The following RASA2 variants were observed in gnomAD, a reference collection of about 807,000 sequenced individuals.
The protein encoded by RASA2 is ras GTPase-activating protein 2.
A neutral mutation model predicts 118.2 loss-of-function variants in RASA2; 155 were observed. The ratio of observed to expected loss-of-function variants is 1.31; its 90% CI spans 1.15 to 1.50. The LOEUF (loss-of-function observed/expected upper bound fraction) is 1.50, where lower values mean the gene tolerates loss of function less well. Among genes scored for constraint, RASA2 ranks in the 40% most tolerant of loss-of-function variants. The pLI, the probability that RASA2 is intolerant of heterozygous loss-of-function variation, is 0.00. For missense variants in RASA2, 1,016 were observed against 1,009.6 expected (o/e 1.01, Z -0.09); for synonymous variants, 353 against 349.1 (o/e 1.01, Z -0.12).
chr3:141,523,347 A>G (rs931815849), intron 3 of RASA2, among the ~76,000 whole-genome samples: 140 of 151,824 alleles, frequency 9.2e-4, no homozygotes, highest in African/African-American at 3.3e-3. Context: ...CTGGTCTCAA[A>G]CTCTTATCCA....
intron 1 of RASA2, among the ~76,000 whole-genome samples, chr3:141,493,675 T>G (rs2151067901): frequency 6.6e-6 from 1 of 152,310 alleles, no homozygotes; most frequent in East Asian, 1.9e-4. Context: ...ATATATTTGA[T>G]ATATTAATTC....
chr3:141,506,673 G>GTT (rs1428472236), intron 1 of RASA2, among the ~76,000 whole-genome samples: 1 of 152,010 alleles, frequency 6.6e-6, no homozygotes, highest in African/African-American at 2.4e-5. Flanking sequence ...AGCACTTTGG[G>GTT]AGGCCAAGGC....
intron 1 of RASA2, among the ~76,000 whole-genome samples, chr3:141,487,533 CGGGGCGCGGCCG>C (rs1389166099): frequency 2.6e-5 from 4 of 151,192 alleles, no homozygotes; most frequent in Admixed American, 6.6e-5. Context: ...CGCTGGAGTC[CGGGGCGCGGCCG>C]GGGGCGCGGT....
At chr3:141,580,567 C>A in intron 16 of RASA2, 116 bp downstream of exon 16, 1 of 650,158 alleles carries the variant, frequency 1.5e-6, no homozygotes, top group East Asian at 2.9e-5. Flanking sequence ...CACACACACA[C>A]ACACACACAC....
intron 3 of RASA2, among the ~76,000 whole-genome samples, chr3:141,524,088 C>T (rs928763185): frequency 6.6e-6 from 1 of 152,146 alleles, no homozygotes; most frequent in Non-Finnish European, 1.5e-5. Flanking sequence ...ATACAGCAAC[C>T]GTACATTTAC....
chr3:141,530,937 A>G (rs867688665), intron 4 of RASA2, among the ~76,000 whole-genome samples: 3 of 152,156 alleles, frequency 2.0e-5, no homozygotes, highest in East Asian at 3.8e-4. Flanking sequence ...TAGTTTTTAT[A>G]TGTAGTTACT....
In RASA2 at chr3:141,564,504, A is replaced by G. The variant is rs566806025; in HGVS notation, c.863+4509A>G. Among the ~76,000 whole-genome samples, 29 of 152,312 alleles carry G rather than the reference A, an allele frequency of 1.9e-4. No individual in the cohort carries two copies. The East Asian group carries it at 5.4e-3, about 28-fold the overall frequency. ...AAAAAAGGATTCCAAAGAGGTAGGC[A>G]TGGTACTGCCTATTCAAGCACAATT... On this transcript the variant is annotated intron_variant, in intron 9 of 23. Transcript: ENST00000286364.
intron 19 of RASA2, among the ~76,000 whole-genome samples, chr3:141,596,740 T>C (rs2083379465): frequency 6.6e-6 from 1 of 152,040 alleles, no homozygotes; most frequent in Admixed American, 6.5e-5. Flanking sequence ...AAAACCACAA[T>C]GAGATACCAT....
chr3:141,591,056 G>T (rs1386774342), intron 19 of RASA2, among the ~76,000 whole-genome samples: 4 of 151,962 alleles, frequency 2.6e-5, no homozygotes, highest in Non-Finnish European at 5.9e-5. Flanking sequence ...ATTTTATATT[G>T]CTATACTATA....
chr3:141,601,320 A>G lies in RASA2; in HGVS notation c.1934-6358A>G, dbSNP rs192747458. On this transcript the variant is annotated intron_variant, in intron 19 of 23. Coordinates refer to ENST00000286364, the MANE Select transcript of RASA2 (RefSeq NM_006506.5). ...CCCACGGCTGTAATCCCAGCTACTC[A>G]GGAAGCTGAGGTCCGAGAATCACTT... Among the ~76,000 whole-genome samples the G allele has an allele frequency of 2.6e-5, 4 of 152,222 alleles. No homozygotes were observed. The East Asian group carries it at 7.7e-4, about 29-fold the overall frequency.
At chr3:141,587,052 A>G (rs1005225662) in intron 19 of RASA2, among the ~76,000 whole-genome samples, 1 of 152,238 alleles carries the variant, frequency 6.6e-6, no homozygotes, top group Non-Finnish European at 1.5e-5. Flanking sequence ...TAAACCTCTT[A>G]GAACATGGGA....
intron 3 of RASA2, among the ~76,000 whole-genome samples, chr3:141,521,864 G>T (rs1577677426): frequency 6.7e-6 from 1 of 149,038 alleles, no homozygotes; most frequent in African/African-American, 2.5e-5. Flanking sequence ...TTCTAGTTCA[G>T]TATCATTTTC....
chr3:141,535,285 C>G (rs950922875), intron 4 of RASA2, among the ~76,000 whole-genome samples: 23 of 152,080 alleles, frequency 1.5e-4, no homozygotes, highest in Non-Finnish European at 2.8e-4. Flanking sequence ...ATTTTTGTGA[C>G]TTTCTGTTTA....
rs767353410 is a variant in RASA2, at chr3:141,555,843, T to C, written c.615T>C (p.Asn205=). 3.0e-5 allele frequency: 48 copies of C among 1,611,482 alleles called. No homozygotes were observed. In the East Asian group the frequency reaches 9.4e-4, roughly 31 times the overall value. ...AAACTCTACCACATTGGAACAGGAA[T>C]GACCAAAAGAAGACAAAAGTAAAGA... ...ATVSLVGPSR[N]DQKKTKVKKK... Residue 205 remains asparagine, a synonymous_variant, in exon 7 of 24, where the codon AAT becomes AAC. Coordinates refer to ENST00000286364, the MANE Select transcript of RASA2 (RefSeq NM_006506.5).
Position 141,579,971 on chromosome 3 carries a change from G to A in RASA2, c.1591-397G>A, listed in dbSNP as rs550637048. Among the ~76,000 whole-genome samples, 363 of 147,922 alleles carry A rather than the reference G, an allele frequency of 2.5e-3. 1 individual carries two copies. Among genetic ancestry groups the A allele is most frequent in the African/African-American group, 8.7e-3 (346 of 39,846 alleles). Reference sequence around the variant, plus strand: ...CTTAGGAGACTGAGACAGGAGAATCGCTTGAACCCAGAAGGTGGAGGTTAC... The same window carrying A: ...CTTAGGAGACTGAGACAGGAGAATCACTTGAACCCAGAAGGTGGAGGTTAC... On this transcript the variant is annotated intron_variant, in intron 15 of 23. Coordinates refer to ENST00000286364, the MANE Select transcript of RASA2 (RefSeq NM_006506.5).
intron 9 of RASA2, among the ~76,000 whole-genome samples, chr3:141,563,969 T>G (rs984995881): frequency 5.3e-5 from 8 of 150,208 alleles, no homozygotes; most frequent in African/African-American, 1.5e-4. Context: ...TGTTGTGAAG[T>G]CTTTTTTTTT....
chr3:141,572,850 G>A (rs1577763100), intron 12 of RASA2, 127 bp downstream of exon 12: 1 of 753,276 alleles, frequency 1.3e-6, no homozygotes, highest in South Asian at 1.9e-5. Flanking sequence ...GAACACTTTA[G>A]AAGCAAATTA....
intron 3 of RASA2, among the ~76,000 whole-genome samples, chr3:141,525,573 A>T (rs2082173792): frequency 6.6e-6 from 1 of 152,148 alleles, no homozygotes; most frequent in Non-Finnish European, 1.5e-5. Context: ...TGGGAGGCCA[A>T]GGCAGTTGGA....
chr3:141,610,478 A>ATAT (rs1559799834), intron 23 of RASA2, among the ~76,000 whole-genome samples: 26 of 99,966 alleles, frequency 2.6e-4, no homozygotes, highest in African/African-American at 1.2e-3. Context: ...TATATATATA[A>ATAT]ATATATATAT....
Sources: gnomAD v4.1 joint callset for allele counts (sites outside exome capture counted in the v4.1 genomes callset) on GRCh38, gnomAD v4.1.1 for gene constraint, MANE v1.5 for transcripts, NCBI Gene and HGNC (gene_info 2026-07-23, HGNC 2026-07-21) for gene names.